Variants in TAFA2 observed in about 807,000 individuals in gnomAD.
The protein encoded by TAFA2 is TAFA chemokine like family member 2, also known as chemokine-like protein TAFA-2.
TAFA2 carries 7 observed loss-of-function variants against 18.8 expected under a neutral mutation model. The observed-to-expected ratio is 0.37, with a 90% CI of 0.21 to 0.70. The LOEUF is 0.70. Ranked by LOEUF, TAFA2 falls within the 30% of genes least tolerant of loss-of-function variation. The pLI is 0.53. For synonymous variants in TAFA2, 60 were observed against 54.2 expected (o/e 1.11, Z -0.47); for missense variants, 122 against 158.1 (o/e 0.77, Z 1.23).
intron 1 of TAFA2, among the ~76,000 whole-genome samples, chr12:62,098,785 TATTAAA>T (rs1164106902): frequency 5.9e-5 from 9 of 152,204 alleles, no homozygotes; most frequent in Non-Finnish European, 8.8e-5. Context: ...GACTTAAAGA[TATTAAA>T]ATTGAAATTG....
intron 1 of TAFA2, among the ~76,000 whole-genome samples, chr12:62,028,601 A>T (rs1415064408): frequency 6.6e-6 from 1 of 152,166 alleles, no homozygotes; most frequent in East Asian, 1.9e-4. Context: ...ATCTTAGCTT[A>T]CAAGTAAGTT....
intron 1 of TAFA2, among the ~76,000 whole-genome samples, chr12:62,084,449 T>C (rs754500574): frequency 2.0e-5 from 3 of 152,202 alleles, no homozygotes; most frequent in Non-Finnish European, 2.9e-5. Context: ...GGGAAGGGTC[T>C]CTTGGCATAT....
At chr12:62,152,805 G>T (rs568355887) in intron 1 of TAFA2, among the ~76,000 whole-genome samples, 33 of 152,128 alleles carry the variant, frequency 2.2e-4, no homozygotes, top group Non-Finnish European at 4.3e-4. Flanking sequence ...CAACAATAGA[G>T]CCAGTTCTCC....
intron 1 of TAFA2, among the ~76,000 whole-genome samples, chr12:62,171,625 A>G (rs1333574463): frequency 6.6e-6 from 1 of 152,192 alleles, no homozygotes; most frequent in East Asian, 1.9e-4. Context: ...AGGACACAGC[A>G]AGGGGTGCCT....
chr12:61,854,728 A>C (rs1268295475), intron 2 of TAFA2, among the ~76,000 whole-genome samples: 1 of 152,178 alleles, frequency 6.6e-6, no homozygotes, highest in Admixed American at 6.6e-5. Flanking sequence ...ATAGAATTCC[A>C]TACCCAGCCA....
intron 4 of TAFA2, among the ~76,000 whole-genome samples, chr12:61,723,578 T>A (rs886918425): frequency 6.6e-6 from 1 of 152,146 alleles, no homozygotes; most frequent in Non-Finnish European, 1.5e-5. Context: ...CATCTGAAAT[T>A]ATAGATACAC....
intron 1 of TAFA2, chr12:62,235,383 G>A: frequency 1.6e-6 from 1 of 644,856 alleles, no homozygotes; most frequent in Non-Finnish European, 2.8e-6. Flanking sequence ...GTGCACTCCG[G>A]AGCTTCCAGA....
At chr12:61,837,343 T>C (rs1872976509) in intron 2 of TAFA2, among the ~76,000 whole-genome samples, 1 of 152,012 alleles carries the variant, frequency 6.6e-6, no homozygotes, top group African/African-American at 2.4e-5. Flanking sequence ...TCTCCACTCT[T>C]TAACACCTCT....
At chr12:61,962,531 T>A (rs547151684) in intron 1 of TAFA2, among the ~76,000 whole-genome samples, 3 of 152,036 alleles carry the variant, frequency 2.0e-5, no homozygotes, top group Non-Finnish European at 4.4e-5. Context: ...TTAGATTACA[T>A]CCTCATGGGA....
intron 1 of TAFA2, among the ~76,000 whole-genome samples, chr12:61,903,775 G>T (rs1176575396): frequency 1.3e-5 from 2 of 152,104 alleles, no homozygotes; most frequent in Non-Finnish European, 2.9e-5. Flanking sequence ...ACTACTGTAT[G>T]TGAGTCAAAA....
At chr12:62,006,971 T>C (rs1353512488) in intron 1 of TAFA2, among the ~76,000 whole-genome samples, 1 of 152,216 alleles carries the variant, frequency 6.6e-6, no homozygotes, top group Non-Finnish European at 1.5e-5. Flanking sequence ...AAATGGACTA[T>C]ATATTTCTTT....
chr12:62,079,545 T>A (rs1868288411), intron 1 of TAFA2, among the ~76,000 whole-genome samples: 1 of 151,060 alleles, frequency 6.6e-6, no homozygotes, highest in Non-Finnish European at 1.5e-5. Context: ...GTGCCTGTAC[T>A]CCCAGCTACT....
rs560542716 is a variant in TAFA2, at chr12:61,821,270, G to A, written c.106+46050C>T. On this transcript the variant is annotated intron_variant, in intron 2 of 4. Coordinates refer to ENST00000416284, the MANE Select transcript of TAFA2 (RefSeq NM_178539.5). ...TAAAATACTTCATACTGATGATTAA[G>A]TATTTGTAATATAGGTTAATGATTT... Among the ~76,000 whole-genome samples, 221 of 151,992 alleles carry A rather than the reference G, an allele frequency of 1.5e-3. 2 individuals carry two copies. The highest frequency in any genetic ancestry group is 5.2e-3 in the African/African-American group (214 of 41,488).
chr12:61,907,922 G>A (rs988370782), intron 1 of TAFA2, among the ~76,000 whole-genome samples: 3 of 152,066 alleles, frequency 2.0e-5, no homozygotes, highest in Admixed American at 6.5e-5. Context: ...AGGCCTGCAG[G>A]CCCTTTGTTT....
chr12:62,219,754 T>C (rs535852865), intron 1 of TAFA2, among the ~76,000 whole-genome samples: 18 of 152,270 alleles, frequency 1.2e-4, no homozygotes, highest in African/African-American at 1.7e-4. Context: ...CCTCCTTCTA[T>C]TAAGTTATAA....
At chr12:61,786,262 T>C (rs921899058) in intron 2 of TAFA2, among the ~76,000 whole-genome samples, 2 of 151,560 alleles carry the variant, frequency 1.3e-5, no homozygotes, top group Admixed American at 6.6e-5. Flanking sequence ...GGATAATTAG[T>C]TCTTGACTAA....
chr12:62,237,958 G>A (rs2062845641), intron 1 of TAFA2, among the ~76,000 whole-genome samples: 1 of 152,222 alleles, frequency 6.6e-6, no homozygotes, highest in Non-Finnish European at 1.5e-5. Flanking sequence ...GTCTCTGGCT[G>A]AGATAAAGAG....
chr12:61,896,057 AG>A (rs1216836120), intron 1 of TAFA2, among the ~76,000 whole-genome samples: 9 of 151,992 alleles, frequency 5.9e-5, no homozygotes. Context: ...GAGGGAAGGG[AG>A]GAGGAGAGGA....
chr12:62,039,082 A>G (rs2136756815), intron 1 of TAFA2, among the ~76,000 whole-genome samples: 1 of 152,304 alleles, frequency 6.6e-6, no homozygotes, highest in Admixed American at 6.5e-5. Flanking sequence ...AAAAAATTCT[A>G]GACCCTCTCA....
Sources: gnomAD v4.1 joint callset for allele counts (sites outside exome capture counted in the v4.1 genomes callset) on GRCh38, gnomAD v4.1.1 for gene constraint, MANE v1.5 for transcripts, NCBI Gene and HGNC (gene_info 2026-07-23, HGNC 2026-07-21) for gene names.